Variants in SLC5A6 observed in about 807,000 individuals in gnomAD.
The protein encoded by SLC5A6 is sodium-dependent multivitamin transporter.
SLC5A6 carries 31 observed loss-of-function variants against 67.9 expected under a neutral mutation model. The ratio of observed to expected loss-of-function variants is 0.46; its 90% CI spans 0.34 to 0.62. The LOEUF (loss-of-function observed/expected upper bound fraction) is 0.62, where lower values mean the gene tolerates loss of function less well. Among genes scored for constraint, SLC5A6 ranks in the 20% least tolerant of loss-of-function variants. The probability of loss-of-function intolerance (pLI) is 0.01; values close to 1 mark genes in which losing one functional copy is unlikely to be tolerated. For missense variants in SLC5A6, 673 were observed against 812.8 expected (o/e 0.83, Z 2.09); for synonymous variants, 343 against 331.0 (o/e 1.04, Z -0.39).
At position 27,202,203 on chromosome 2, in the gene SLC5A6, C is replaced by A. The variant is rs1392037009; in HGVS notation, c.1276-129G>T. 3.8e-5 allele frequency: 28 copies of A among 741,432 alleles called. No individual in the cohort carries two copies. In the East Asian group the frequency reaches 7.5e-4, roughly 20 times the overall value. 45.9% of individuals were successfully genotyped at this position (741,432 alleles called of 1,614,324 possible). A position where few individuals can be genotyped will look rare whatever the true frequency, so the allele number is the denominator to read the frequency against. On this transcript the variant is annotated intron_variant, in intron 12 of 16. Transcript: ENST00000310574. ...GTCAGATCTGTCTCTTCTGTGGGAA[C>A]AATCAGAACTCCAGAGGTGGCCGAG...
At chr2:27,203,093 G>C (rs1276057632) in intron 11 of SLC5A6, 140 bp downstream of exon 11, 9 of 1,506,610 alleles carry the variant, frequency 6.0e-6, no homozygotes, top group Non-Finnish European at 8.0e-6. Flanking sequence ...AAACAACCAT[G>C]CATGCAGGGA....
intron 6 of SLC5A6, 28 bp from the exon 7 acceptor site, chr2:27,205,532 A>C (rs1016855323): frequency 6.2e-7 from 1 of 1,613,598 alleles, no homozygotes. Context: ...CAAACCTGCC[A>C]CAGAGGCCTT....
rs750429600 is a variant in SLC5A6, at chr2:27,207,231, G to A, written c.393+27C>T. 4.4e-6 allele frequency: 7 copies of A among 1,608,166 alleles called. No homozygotes were observed. Among genetic ancestry groups the A allele is most frequent in the South Asian group, 2.2e-5 (2 of 90,680 alleles). On this transcript the variant is annotated intron_variant, in intron 3 of 16. Coordinates refer to ENST00000310574, the MANE Select transcript of SLC5A6 (RefSeq NM_021095.4). This position sits in a 1 kb window ranked among gnomAD's most constrained non-coding sequence, Gnocchi z 5.5. The stretch of plus-strand genomic sequence containing the variant: ...CTCTCCACCCCAACCCGTGTCCCAC[G>A]CACTTCTCCCTTCTGTCCCTGCTCA...
Position 27,207,862 on chromosome 2 carries a change from GCATGC to G in SLC5A6, c.-140-77_-140-73del. The G allele has an allele frequency of 1.7e-6, 1 of 583,532 alleles. No individual in the cohort carries two copies. Among genetic ancestry groups the G allele is most frequent in the Non-Finnish European group, 3.0e-6 (1 of 328,898 alleles). The allele number at this position is 583,532 out of a possible 1,614,324, so 36.1% of individuals were successfully genotyped here. A position where few individuals can be genotyped will look rare whatever the true frequency, so the allele number is the denominator to read the frequency against. On this transcript the variant is annotated intron_variant, in intron 2 of 16. Coordinates refer to ENST00000310574, the MANE Select transcript of SLC5A6 (RefSeq NM_021095.4). This position sits in a 1 kb window ranked among gnomAD's most constrained non-coding sequence, Gnocchi z 5.5. ...CATTCACCCTTGGGCCTTGTACATC[GCATGC>G]CATCAGAAGTGGACCAGCCAGCATA...
At position 27,207,505 on chromosome 2, in the gene SLC5A6, C is replaced by T. The variant is rs777630865; in HGVS notation, c.146G>A (p.Arg49His). 9 of 1,614,058 alleles carry T rather than the reference C, an allele frequency of 5.6e-6. No individual in the cohort carries two copies. In the East Asian group the frequency reaches 6.7e-5, roughly 12 times the overall value. Residue 49 changes from arginine to histidine, a missense_variant, in exon 3 of 17, where the codon CGT becomes CAT. Physicochemically the swap from Arg to His is conservative, Grantham distance 29. Coordinates refer to ENST00000310574, the MANE Select transcript of SLC5A6 (RefSeq NM_021095.4). The surrounding 1 kb of genome is among the most constrained non-coding windows in gnomAD (Gnocchi z 5.5). Reference protein sequence around the residue: ...SLAIGLYHACRGWGRHTVGEL... With the variant: ...SLAIGLYHACHGWGRHTVGEL... ...ACCAACAGTATGCCGGCCCCAGCCA[C>T]GACAAGCATGGTAGAGCCCAATGGC... is the stretch of plus-strand genomic sequence containing the variant.
intron 6 of SLC5A6, 125 bp from the exon 7 acceptor site, chr2:27,205,629 A>G: frequency 8.3e-7 from 1 of 1,208,398 alleles, no homozygotes; most frequent in Non-Finnish European, 1.2e-6. Context: ...TGCAGCCTGA[A>G]GCCAGTTTTT....
At chr2:27,212,285 G>C, upstream of SLC5A6, 1 of 1,553,376 alleles carries the variant, frequency 6.4e-7, no homozygotes, top group Non-Finnish European at 8.7e-7. Context: ...CTTAGGCCAC[G>C]CCCGGGGAAG....
In SLC5A6 at chr2:27,207,514, T is replaced by C; in HGVS notation, c.137A>G (p.His46Arg). ...LVLSLAIGLY[H>R]ACRGWGRHTV... The stretch of plus-strand genomic sequence containing the variant: ...ATGCCGGCCCCAGCCACGACAAGCA[T>C]GGTAGAGCCCAATGGCAAGAGAGAG... Residue 46 changes from histidine (H) to arginine (R), a missense_variant, in exon 3 of 17, where the codon CAT becomes CGT. Transcript: ENST00000310574. This position sits in a 1 kb window ranked among gnomAD's most constrained non-coding sequence, Gnocchi z 5.5. 6.2e-7 allele frequency: 1 copy of C among 1,614,124 alleles called. No individual in the cohort carries two copies. The highest frequency in any genetic ancestry group is 8.5e-7 in the Non-Finnish European group (1 of 1,180,006).
At chr2:27,200,852 A>C (rs1424075981) in intron 16 of SLC5A6, 146 bp downstream of exon 16, 5 of 635,724 alleles carry the variant, frequency 7.9e-6, no homozygotes, top group Non-Finnish European at 1.4e-5. Context: ...AGAACCTGAG[A>C]CAGCCGTGTG....
chr2:27,210,424 T>TG (rs1674385624), intron 2 of SLC5A6, among the ~76,000 whole-genome samples: 1 of 147,244 alleles, frequency 6.8e-6, no homozygotes, highest in Admixed American at 6.7e-5. Context: ...CAGCAGATTG[T>TG]GGGACCCCCC....
intron 2 of SLC5A6, among the ~76,000 whole-genome samples, chr2:27,209,612 G>A (rs1479359808): frequency 2.0e-5 from 3 of 152,206 alleles, no homozygotes; most frequent in African/African-American, 4.8e-5. Flanking sequence ...ACCAGGACAG[G>A]AGCAGAGTGT....
Position 27,212,257 on chromosome 2 carries a change from G to A in SLC5A6, c.-445C>T. The A allele has an allele frequency of 2.6e-6, 4 of 1,559,650 alleles. No homozygotes were observed. The highest frequency in any genetic ancestry group is 2.6e-6 in the Non-Finnish European group (3 of 1,152,314). On this transcript the variant is annotated 5_prime_UTR_variant, in exon 1 of 17. Coordinates refer to ENST00000310574, the MANE Select transcript of SLC5A6 (RefSeq NM_021095.4). ...AGGAAAAGCCCCCAAGCAGCCCCAG[G>A]GCGACTGGACCGGGCCGCTTAGGCC...
In SLC5A6 at chr2:27,212,037, G is replaced by A; in HGVS notation, c.-225C>T. ...ATGTTTACTGAGGGCGGATGGAGGG[G>A]CCCGAGTTTCTGCGAAGCCGCGACC... On this transcript the variant is annotated 5_prime_UTR_variant, in exon 1 of 17. Transcript: ENST00000310574. 1 of 871,316 alleles carries A rather than the reference G, an allele frequency of 1.1e-6. No homozygotes were observed. Among genetic ancestry groups the A allele is most frequent in the Non-Finnish European group, 1.7e-6 (1 of 592,580 alleles). The allele number at this position is 871,316 out of a possible 1,614,324, so 54.0% of individuals were successfully genotyped here. A position where few individuals can be genotyped will look rare whatever the true frequency, so the allele number is the denominator to read the frequency against.
Position 27,212,266 on chromosome 2 carries a change from A to ACCGG in SLC5A6, c.-455_-454insCCGG. 6.4e-7 allele frequency: 1 copy of ACCGG among 1,557,228 alleles called. No individual in the cohort carries two copies. Among genetic ancestry groups the ACCGG allele is most frequent in the Non-Finnish European group, 8.7e-7 (1 of 1,150,908 alleles). ...CCCCAAGCAGCCCCAGGGCGACTGG[A>ACCGG]CCGGGCCGCTTAGGCCACGCCCGGG... On this transcript the variant is annotated 5_prime_UTR_variant, in exon 1 of 17. Transcript: ENST00000310574.
In SLC5A6 at chr2:27,201,343, C is replaced by T. The variant is rs578214644; in HGVS notation, c.1648+7G>A. On this transcript the variant is annotated splice_region_variant and intron_variant, in intron 15 of 16. Coordinates refer to ENST00000310574, the MANE Select transcript of SLC5A6 (RefSeq NM_021095.4). ...TGCTCATCTGCACCGCAATCCCACACCCTTACCAGTGAGTAGACTGACAAT... is the reference window on the plus strand; with the variant it reads ...TGCTCATCTGCACCGCAATCCCACATCCTTACCAGTGAGTAGACTGACAAT... 4.4e-6 allele frequency: 7 copies of T among 1,586,248 alleles called. No homozygotes were observed.
At chr2:27,209,026 AG>A (rs1367603437) in intron 2 of SLC5A6, among the ~76,000 whole-genome samples, 1 of 152,240 alleles carries the variant, frequency 6.6e-6, no homozygotes, top group Non-Finnish European at 1.5e-5. Flanking sequence ...TCAGAGAAAG[AG>A]GGAAGGGATC....
chr2:27,200,695 G>A, intron 16 of SLC5A6, 116 bp from the exon 17 acceptor site: 1 of 1,031,580 alleles, frequency 9.7e-7, no homozygotes, highest in Non-Finnish European at 1.4e-6. Context: ...GGGTTCGGGA[G>A]GGAGAGCAGG....
chr2:27,210,679 A>G (rs1446422496), intron 2 of SLC5A6, among the ~76,000 whole-genome samples: 1 of 148,296 alleles, frequency 6.7e-6, no homozygotes, highest in African/African-American at 2.5e-5. Context: ...TCCTGACATG[A>G]CGATCCACCT....
In SLC5A6 at chr2:27,212,250, G is replaced by T. The variant is rs1425859235; in HGVS notation, c.-438C>A. On this transcript the variant is annotated 5_prime_UTR_variant, in exon 1 of 17. In the 5' UTR this introduces an upstream ATG that the reference lacks. Transcript: ENST00000310574. ...CACGAGCAGGAAAAGCCCCCAAGCA[G>T]CCCCAGGGCGACTGGACCGGGCCGC... 1.3e-6 allele frequency: 2 copies of T among 1,560,494 alleles called. No homozygotes were observed. The highest frequency in any genetic ancestry group is 1.2e-5 in the South Asian group (1 of 84,836).
Sources: gnomAD v4.1 joint callset for allele counts (sites outside exome capture counted in the v4.1 genomes callset) on GRCh38, gnomAD v4.1.1 for gene constraint, Gnocchi (gnomAD v3.1) non-coding constraint, MANE v1.5 for transcripts, NCBI Gene and HGNC (gene_info 2026-07-23, HGNC 2026-07-21) for gene names.